Variants in PCSK5 observed in about 807,000 individuals in gnomAD.
PCSK5 encodes the protein prohormone convertase 5.
In PCSK5, 129 loss-of-function variants were observed where a neutral mutation model predicts 233.2. The ratio of observed to expected loss-of-function variants is 0.55; its 90% CI spans 0.48 to 0.64. The LOEUF (loss-of-function observed/expected upper bound fraction) is 0.64. Among genes scored for constraint, PCSK5 ranks in the 30% least tolerant of loss-of-function variants. PCSK5 has a pLI of 0.00. For missense variants in PCSK5, 2,076 were observed against 2,430.1 expected (o/e 0.85, Z 3.06); for synonymous variants, 825 against 879.2 (o/e 0.94, Z 1.09).
intron 2 of PCSK5, among the ~76,000 whole-genome samples, chr9:75,976,274 CCACACACACACACACACACA>C (rs10562995): frequency 2.8e-4 from 39 of 141,590 alleles, no homozygotes; most frequent in East Asian, 6.4e-4. Context: ...CACACAGACA[CCACACACACACACACACACA>C]CACACACACA....
chr9:76,341,031 T>C (rs1829820205), intron 35 of PCSK5, among the ~76,000 whole-genome samples: 2 of 150,106 alleles, frequency 1.3e-5, no homozygotes, highest in South Asian at 2.2e-4. Flanking sequence ...CCTGGGCAAC[T>C]TGGCGAAATC....
At chr9:76,215,747 C>A (rs553737098) in intron 20 of PCSK5, among the ~76,000 whole-genome samples, 1 of 152,182 alleles carries the variant, frequency 6.6e-6, no homozygotes, top group South Asian at 2.1e-4. Flanking sequence ...GCAAGACCAC[C>A]TGATTAACAT....
At chr9:76,351,453 A>AAGAAAGAAAGAAAGAAAG (rs1735724833) in intron 36 of PCSK5, among the ~76,000 whole-genome samples, 1 of 19,950 alleles carries the variant, frequency 5.0e-5, no homozygotes, top group African/African-American at 1.6e-4. Context: ...GAAAGGAAAG[A>AAGAAAGAAAGAAAGAAAG]AAGAAAGAAA....
At chr9:76,132,814 C>G (rs551629571) in intron 9 of PCSK5, among the ~76,000 whole-genome samples, 1 of 152,088 alleles carries the variant, frequency 6.6e-6, no homozygotes, top group East Asian at 1.9e-4. Flanking sequence ...GTTAATTTCA[C>G]ATGGAAAATG....
At chr9:76,197,614 C>T (rs1043805065) in intron 20 of PCSK5, among the ~76,000 whole-genome samples, 4 of 152,152 alleles carry the variant, frequency 2.6e-5, no homozygotes, top group Non-Finnish European at 4.4e-5. Flanking sequence ...TTCAGCCTTG[C>T]ACAGAGAGAG....
At chr9:76,296,524 CAG>C in intron 26 of PCSK5, 139 bp from the exon 27 acceptor site, 4 of 625,078 alleles carry the variant, frequency 6.4e-6, no homozygotes, top group Middle Eastern at 4.2e-4. Context: ...GCCTGGGCAA[CAG>C]AGAGAGACTC....
At chr9:76,175,533 A>C (rs1017030004) in intron 14 of PCSK5, 4 of 294,674 alleles carry the variant, frequency 1.4e-5, no homozygotes, top group Admixed American at 1.0e-4. Flanking sequence ...ACTATTTTAA[A>C]CACGGTTTGG....
intron 5 of PCSK5, among the ~76,000 whole-genome samples, chr9:76,030,029 GAAAC>G: frequency 6.6e-6 from 1 of 151,968 alleles, no homozygotes; most frequent in South Asian, 2.1e-4. Context: ...TAGGTAGAGA[GAAAC>G]AAATATGCTC....
At chr9:76,043,683 A>C (rs1045410042) in intron 5 of PCSK5, among the ~76,000 whole-genome samples, 1 of 152,204 alleles carries the variant, frequency 6.6e-6, no homozygotes, top group African/African-American at 2.4e-5. Flanking sequence ...TTGATTAATA[A>C]AACTTTTTAT....
At chr9:76,172,786 C>T (rs1247641167) in intron 13 of PCSK5, among the ~76,000 whole-genome samples, 1 of 152,202 alleles carries the variant, frequency 6.6e-6, no homozygotes, top group Non-Finnish European at 1.5e-5. Context: ...CTTCTTATCA[C>T]TCCCTAATGC....
chr9:76,332,320 C>T lies in PCSK5; in HGVS notation c.4571-113C>T, dbSNP rs1399671721. The T allele has an allele frequency of 1.6e-5, 11 of 688,906 alleles. No individual in the cohort carries two copies. The East Asian group carries it at 3.0e-4, about 19-fold the overall frequency. 42.7% of individuals were successfully genotyped at this position (688,906 alleles called of 1,614,324 possible). A position where few individuals can be genotyped will look rare whatever the true frequency, so the allele number is the denominator to read the frequency against. ...ATATCCATCAGCTCACAGGATCATC[C>T]CATTCCTCCTGCAGCCCTCTCCTCC... is the stretch of plus-strand genomic sequence containing the variant. On this transcript the variant is annotated intron_variant, in intron 33 of 37. Transcript: ENST00000674117.
chr9:76,351,509 A>T (rs1482155244), intron 36 of PCSK5, among the ~76,000 whole-genome samples: 1 of 122,412 alleles, frequency 8.2e-6, no homozygotes, highest in Non-Finnish European at 1.8e-5. Context: ...AGAAAGAAAG[A>T]AAGAAAGAAA....
chr9:76,215,075 G>C (rs1167756806), intron 20 of PCSK5, among the ~76,000 whole-genome samples: 1 of 152,116 alleles, frequency 6.6e-6, no homozygotes, highest in African/African-American at 2.4e-5. Context: ...AATGACACTA[G>C]ACAATTGCAT....
At chr9:76,136,496 T>C (rs1207925557) in intron 10 of PCSK5, among the ~76,000 whole-genome samples, 5 of 152,084 alleles carry the variant, frequency 3.3e-5, no homozygotes, top group African/African-American at 1.2e-4. Context: ...CTTTTGCAGG[T>C]CTTGCTTAGC....
chr9:75,978,931 G>A (rs150454585), intron 2 of PCSK5, among the ~76,000 whole-genome samples: 4,538 of 143,426 alleles, frequency 0.032, 105 homozygotes, highest in Non-Finnish European at 0.05. Context: ...GGAGTGCAAT[G>A]GCACAATCTT....
intron 3 of PCSK5, among the ~76,000 whole-genome samples, chr9:76,019,571 C>T (rs901712777): frequency 1.3e-5 from 2 of 152,070 alleles, no homozygotes; most frequent in Non-Finnish European, 2.9e-5. Context: ...TAAGCCCTCC[C>T]ACCCATAAAC....
At chr9:76,314,358 G>C (rs1178529619) in intron 30 of PCSK5, among the ~76,000 whole-genome samples, 1 of 151,160 alleles carries the variant, frequency 6.6e-6, no homozygotes, top group African/African-American at 2.5e-5. Context: ...GATTATAGCG[G>C]AATCCCTCAT....
intron 1 of PCSK5, among the ~76,000 whole-genome samples, chr9:75,909,257 C>T (rs1451427160): frequency 6.6e-6 from 1 of 151,668 alleles, no homozygotes; most frequent in Non-Finnish European, 1.5e-5. Context: ...ACCCGGGATG[C>T]AGAGGTTGCA....
chr9:76,083,479 G>T (rs1184986010), intron 7 of PCSK5, among the ~76,000 whole-genome samples: 1 of 152,116 alleles, frequency 6.6e-6, no homozygotes, highest in Non-Finnish European at 1.5e-5. Flanking sequence ...TGTCAAGGAT[G>T]GTCAAGAAGA....
Sources: gnomAD v4.1 joint callset for allele counts (sites outside exome capture counted in the v4.1 genomes callset) on GRCh38, gnomAD v4.1.1 for gene constraint, MANE v1.5 for transcripts, NCBI Gene and HGNC (gene_info 2026-07-23, HGNC 2026-07-21) for gene names.